Variants in SLC46A1 observed in about 807,000 individuals in gnomAD.
SLC46A1 encodes proton-coupled folate transporter.
SLC46A1 carries 17 observed loss-of-function variants against 32.1 expected under a neutral mutation model. That is an observed-to-expected ratio of 0.53 (90% CI 0.36 to 0.79). The LOEUF is 0.79. SLC46A1 is among the 30% of genes least tolerant of loss of function. The pLI, the probability that SLC46A1 is intolerant of heterozygous loss-of-function variation, is 0.00. For synonymous variants in SLC46A1, 240 were observed against 262.7 expected, an observed-to-expected ratio of 0.91 and a Z score of 0.84; for missense variants, 517 against 588.2, an observed-to-expected ratio of 0.88 and a Z score of 1.25.
At position 28,396,043 on chromosome 17, in the gene SLC46A1, T is replaced by C. The variant is rs1555587815; in HGVS notation, c.*3613A>G. The stretch of plus-strand genomic sequence containing the variant: ...CGGTATCAAGTGAGCCCCAGGGCCC[T>C]GGGACCAGGGGGGTAGGGTACAAAT... On this transcript the variant is annotated 3_prime_UTR_variant, in exon 5 of 5. Coordinates refer to ENST00000612814, the MANE Select transcript of SLC46A1 (RefSeq NM_080669.6). 1 of 1,613,820 alleles carries C rather than the reference T, an allele frequency of 6.2e-7. No homozygotes were observed. The highest frequency in any genetic ancestry group is 2.2e-5 in the East Asian group (1 of 44,868).
In SLC46A1 at chr17:28,394,765, C is replaced by T. The variant is rs2068100241; in HGVS notation, c.*4891G>A. The T allele has an allele frequency of 1.3e-5, 2 of 152,178 alleles. No individual in the cohort carries two copies. Among genetic ancestry groups the T allele is most frequent in the South Asian group, 4.1e-4 (2 of 4,830 alleles). The allele number at this position is 152,178 out of a possible 1,614,324, so 9.4% of individuals were successfully genotyped here. On this transcript the variant is annotated 3_prime_UTR_variant, in exon 5 of 5. Coordinates refer to ENST00000612814, the MANE Select transcript of SLC46A1 (RefSeq NM_080669.6). ...AATAGCCACCCAGTAAGCATTGACT[C>T]CAAAGGCATGGGGTGAGCATTCCAA...
Position 28,397,568 on chromosome 17 carries a change from C to T in SLC46A1, c.*2088G>A, listed in dbSNP as rs1555588419. 6.6e-6 allele frequency: 1 copy of T among 152,246 alleles called. No homozygotes were observed. Among genetic ancestry groups the T allele is most frequent in the African/African-American group, 2.4e-5 (1 of 41,442 alleles). The allele number at this position is 152,246 out of a possible 1,614,324, so 9.4% of individuals were successfully genotyped here. ...ATTAGTGGCAGCCCCAGATCCAGAC[C>T]TAGGCCTCCTGGCACCCAGTCCACT... is the stretch of plus-strand genomic sequence containing the variant. On this transcript the variant is annotated 3_prime_UTR_variant, in exon 5 of 5. Coordinates refer to ENST00000612814, the MANE Select transcript of SLC46A1 (RefSeq NM_080669.6).
chr17:28,406,016 GTT>G lies in SLC46A1; in HGVS notation c.97_98del (p.Asn33LeufsTer131). 1 of 1,610,500 alleles carries G rather than the reference GTT, an allele frequency of 6.2e-7. No homozygotes were observed. The highest frequency in any genetic ancestry group is 8.5e-7 in the Non-Finnish European group (1 of 1,178,980). ...GPVEPLVFLA[N>X]FALVLQGPLT... Reference sequence around the variant, plus strand: ...GCGGGCCCTGCAGGACCAAGGCAAAGTTGGCCAGGAAGACCAGCGGCTCTACC... The same window carrying G: ...GCGGGCCCTGCAGGACCAAGGCAAAGGGCCAGGAAGACCAGCGGCTCTACC... On this transcript the variant is annotated frameshift_variant, in exon 1 of 5. Transcript: ENST00000612814. LOFTEE classifies it high-confidence loss of function. This position sits in a 1 kb window ranked among gnomAD's most constrained non-coding sequence, Gnocchi z 4.5.
Position 28,404,692 on chromosome 17 carries a change from A to G in SLC46A1, c.1005T>C (p.Ala335=). The G allele has an allele frequency of 6.2e-7, 1 of 1,613,870 alleles. No homozygotes were observed. Among genetic ancestry groups the G allele is most frequent in the Non-Finnish European group, 8.5e-7 (1 of 1,179,780 alleles). Residue 335 remains alanine (A), a synonymous_variant, in exon 2 of 5, where the codon GCT becomes GCC. Coordinates refer to ENST00000612814, the MANE Select transcript of SLC46A1 (RefSeq NM_080669.6). ...GGATGTTGAAGGCCAGGCCGATCTCAGCTACCCAGGCATCGGCCAGGCAGT... is the reference window on the plus strand; with the variant it reads ...GGATGTTGAAGGCCAGGCCGATCTCGGCTACCCAGGCATCGGCCAGGCAGT... ...LQYCLADAWV[A]EIGLAFNILG... is the part of the protein sequence containing the mutation.
In SLC46A1 at chr17:28,396,372, G is replaced by T. The variant is rs1302278533; in HGVS notation, c.*3284C>A. On this transcript the variant is annotated 3_prime_UTR_variant, in exon 5 of 5. Coordinates refer to ENST00000612814, the MANE Select transcript of SLC46A1 (RefSeq NM_080669.6). Reference sequence around the variant, plus strand: ...CAGCTCCTGAAACCAGTCTCCCTGGGCTGAGACAACCTGGGCTCTTCTTAG... The same window carrying T: ...CAGCTCCTGAAACCAGTCTCCCTGGTCTGAGACAACCTGGGCTCTTCTTAG... The T allele has an allele frequency of 1.3e-6, 2 of 1,535,816 alleles. No homozygotes were observed. Among genetic ancestry groups the T allele is most frequent in the South Asian group, 2.3e-5 (2 of 86,044 alleles).
Position 28,396,979 on chromosome 17 carries a change from G to T in SLC46A1, c.*2677C>A, listed in dbSNP as rs1261842721. ...TGCAGCCAGCTTTGCTGCACTTGCT[G>T]GTGCACAGGAGCCTCCTGTTTGGGC... On this transcript the variant is annotated 3_prime_UTR_variant, in exon 5 of 5. Coordinates refer to ENST00000612814, the MANE Select transcript of SLC46A1 (RefSeq NM_080669.6). The T allele has an allele frequency of 6.6e-6, 1 of 152,432 alleles. No homozygotes were observed. The highest frequency in any genetic ancestry group is 2.4e-5 in the African/African-American group (1 of 41,462). 9.4% of individuals were successfully genotyped at this position (152,432 alleles called of 1,614,324 possible). A position where few individuals can be genotyped will look rare whatever the true frequency, so the allele number is the denominator to read the frequency against.
intron 3 of SLC46A1, chr17:28,401,550 C>T (rs962994707): frequency 1.3e-5 from 2 of 152,396 alleles, no homozygotes; most frequent in African/African-American, 4.8e-5. Flanking sequence ...GCTGGAGAAG[C>T]TGTTCTTTAT....
rs889398628 is a variant in SLC46A1 at position 28,398,841 on chromosome 17, C to T, written c.*815G>A. 2.0e-5 allele frequency: 3 copies of T among 152,252 alleles called. No individual in the cohort carries two copies. The highest frequency in any genetic ancestry group is 7.2e-5 in the African/African-American group (3 of 41,470). 9.4% of individuals were successfully genotyped at this position (152,252 alleles called of 1,614,324 possible). A position where few individuals can be genotyped will look rare whatever the true frequency, so the allele number is the denominator to read the frequency against. ...ACAATTTGGGGCATTGCTGATCTAG[C>T]CGTTCCTAGTGGGGCTTGCTCAAGG... is the stretch of plus-strand genomic sequence containing the variant. On this transcript the variant is annotated 3_prime_UTR_variant, in exon 5 of 5. Transcript: ENST00000612814.
rs2142469999 is a variant in SLC46A1 at position 28,405,973 on chromosome 17, A to C, written c.142T>G (p.Trp48Gly). ...CCGAGGTCGGCGCTGAAGCGGTGCC[A>C]CAGATACTGCGTGGTGAGCGGGCCC... ...LQGPLTTQYL[W>G]HRFSADLGYN... The change falls in exon 1 of 5, where the codon TGG (tryptophan) becomes GGG (glycine). Residue 48 changes from tryptophan (W) to glycine (G), a missense_variant. By Grantham distance (184) the Trp-to-Gly change is radical. Coordinates refer to ENST00000612814, the MANE Select transcript of SLC46A1 (RefSeq NM_080669.6). 1.2e-6 allele frequency: 2 copies of C among 1,611,856 alleles called. No homozygotes were observed. The highest frequency in any genetic ancestry group is 4.5e-5 in the East Asian group (2 of 44,820).
In SLC46A1 at chr17:28,394,687, G is replaced by A. The variant is rs114943936; in HGVS notation, c.*4969C>T. 9.4e-4 allele frequency: 143 copies of A among 152,298 alleles called. No homozygotes were observed. Among genetic ancestry groups the A allele is most frequent in the African/African-American group, 3.2e-3 (134 of 41,560 alleles). 9.4% of individuals were successfully genotyped at this position (152,298 alleles called of 1,614,324 possible). On this transcript the variant is annotated 3_prime_UTR_variant, in exon 5 of 5. Coordinates refer to ENST00000612814, the MANE Select transcript of SLC46A1 (RefSeq NM_080669.6). ...GTTTATTATGTCAACCTTAAATAAT[G>A]AGATTCAGAAAATAAGACTAAGTAT... is the stretch of plus-strand genomic sequence containing the variant.
Position 28,404,954 on chromosome 17 carries a change from TGGTGAC to T in SLC46A1, c.737_742del (p.Arg246_His247del). The T allele has an allele frequency of 6.2e-7, 1 of 1,614,004 alleles. No individual in the cohort carries two copies. On this transcript the variant is annotated inframe_deletion, in exon 2 of 5. Coordinates refer to ENST00000612814, the MANE Select transcript of SLC46A1 (RefSeq NM_080669.6). ...CACATAGAGCTGGACAATGGATCGG[TGGTGAC>T]GGAACGTGAAGAGCCGGGTGGACTT...
chr17:28,405,905 G>A lies in SLC46A1; in HGVS notation c.210C>T (p.Ser70=), dbSNP rs2142469635. The change falls in exon 1 of 5, where the codon AGC becomes AGT. Residue 70 remains serine (S), a synonymous_variant. Transcript: ENST00000612814. ...TRQRGGCSNR[S]ADPTMQEVET... is the part of the protein sequence containing the mutation. ...CCGCTACCTGCATGGTGGGGTCCGC[G>A]CTGCGGTTGCTGCAGCCCCCCCTTT... 4 of 1,600,704 alleles carry A rather than the reference G, an allele frequency of 2.5e-6. No individual in the cohort carries two copies. The highest frequency in any genetic ancestry group is 3.4e-6 in the Non-Finnish European group (4 of 1,174,838).
Position 28,406,188 on chromosome 17 carries a change from G to T in SLC46A1, c.-74C>A. On this transcript the variant is annotated 5_prime_UTR_variant, in exon 1 of 5. Coordinates refer to ENST00000612814, the MANE Select transcript of SLC46A1 (RefSeq NM_080669.6). This position sits in a 1 kb window ranked among gnomAD's most constrained non-coding sequence, Gnocchi z 4.5. ...CGACTCGCTGCCTGGGACCAGCGAC[G>T]CGTGGCGTGGGGCTTGCGCTGTCTG... 1 of 1,144,502 alleles carries T rather than the reference G, an allele frequency of 8.7e-7. No homozygotes were observed. Among genetic ancestry groups the T allele is most frequent in the Non-Finnish European group, 1.1e-6 (1 of 884,246 alleles). 70.9% of individuals were successfully genotyped at this position (1,144,502 alleles called of 1,614,324 possible).
rs2068234253 is a variant in SLC46A1 at position 28,404,649 on chromosome 17, C to T, written c.1048G>A (p.Ala350Thr). 6.2e-7 allele frequency: 1 copy of T among 1,611,872 alleles called. No homozygotes were observed. Among genetic ancestry groups the T allele is most frequent in the Non-Finnish European group, 8.5e-7 (1 of 1,178,260 alleles). Residue 350 changes from alanine (A) to threonine (T), a missense_variant, in exon 2 of 5, where the codon GCC becomes ACC. Coordinates refer to ENST00000612814, the MANE Select transcript of SLC46A1 (RefSeq NM_080669.6). ...AFNILGMVVF[A>T]FATITPLMFT... ...ATGAGAGGCGTGATAGTGGCAAAGG[C>T]AAAGACCACCATCCCCAGGATGTTG...
chr17:28,405,327 G>C lies in SLC46A1; in HGVS notation c.370C>G (p.Leu124Val), dbSNP rs781880832. 7.5e-6 allele frequency: 12 copies of C among 1,589,890 alleles called. No homozygotes were observed. Among genetic ancestry groups the C allele is most frequent in the Middle Eastern group, 1.7e-4 (1 of 6,040 alleles). Residue 124 changes from leucine (L) to valine (V), a missense_variant, in exon 2 of 5, where the codon CTG becomes GTG. Leu to Val is a conservative substitution (Grantham distance 32). Transcript: ENST00000612814. ...ACGGACACTAGGGCCTGGAGCAGCA[G>C]GCCCAGCGAGGCCAGCACTAGCAGC... ...RPLLVLASLG[L>V]LLQALVSVFV...
At chr17:28,406,326 C>T (rs1555591451), upstream of SLC46A1, 1 of 418,984 alleles carries the variant, frequency 2.4e-6, no homozygotes, top group Non-Finnish European at 4.1e-6. This position sits in a 1 kb window ranked among gnomAD's most constrained non-coding sequence, Gnocchi z 4.5. Flanking sequence ...GCGAGGGGCC[C>T]GGCACCCCCA....
chr17:28,395,921 T>C lies in SLC46A1; in HGVS notation c.*3735A>G, dbSNP rs1555587719. On this transcript the variant is annotated 3_prime_UTR_variant, in exon 5 of 5. Coordinates refer to ENST00000612814, the MANE Select transcript of SLC46A1 (RefSeq NM_080669.6). Reference sequence around the variant, plus strand: ...TTTCTCCAGGAGATTGTGACTGCTTTAAGCTGCGGCAAGAACATTGTGCCC... The same window carrying C: ...TTTCTCCAGGAGATTGTGACTGCTTCAAGCTGCGGCAAGAACATTGTGCCC... The C allele has an allele frequency of 1.2e-6, 2 of 1,613,938 alleles. No homozygotes were observed. The highest frequency in any genetic ancestry group is 1.7e-6 in the Non-Finnish European group (2 of 1,179,886).
At position 28,398,623 on chromosome 17, in the gene SLC46A1, C is replaced by T. The variant is rs981401331; in HGVS notation, c.*1033G>A. 15 of 152,788 alleles carry T rather than the reference C, an allele frequency of 9.8e-5. No homozygotes were observed. The highest frequency in any genetic ancestry group is 2.9e-4 in the African/African-American group (12 of 41,450). The allele number at this position is 152,788 out of a possible 1,614,324, so 9.5% of individuals were successfully genotyped here. ...TGGGGCTGAGTCAGCCAGATCCTCC[C>T]CCTACTTCTCCCCAAGGGCCAAGAA... is the stretch of plus-strand genomic sequence containing the variant. On this transcript the variant is annotated 3_prime_UTR_variant, in exon 5 of 5. Transcript: ENST00000612814.
rs782022324 is a variant in SLC46A1, at chr17:28,396,197, A to T, written c.*3459T>A. On this transcript the variant is annotated 3_prime_UTR_variant, in exon 5 of 5. Transcript: ENST00000612814. Reference sequence around the variant, plus strand: ...CCAGGAGGCCACCATTGAGAAGATCATCCGCTTCCTGCAGGGCCGCTCCTC... The same window carrying T: ...CCAGGAGGCCACCATTGAGAAGATCTTCCGCTTCCTGCAGGGCCGCTCCTC... 2.5e-6 allele frequency: 4 copies of T among 1,613,842 alleles called. No homozygotes were observed. The Admixed American group carries it at 5.0e-5, about 20-fold the overall frequency.
Sources: gnomAD v4.1 joint callset for allele counts on GRCh38, gnomAD v4.1.1 for gene constraint, Gnocchi (gnomAD v3.1) non-coding constraint, MANE v1.5 for transcripts, NCBI Gene and HGNC (gene_info 2026-07-23, HGNC 2026-07-21) for gene names.